Variants in CDH18 observed in about 807,000 individuals in gnomAD.
CDH18 encodes the protein cadherin 18.
CDH18 carries 31 observed loss-of-function variants against 67.9 expected under a neutral mutation model. The observed-to-expected ratio is 0.46, with a 90% CI of 0.34 to 0.62. The LOEUF is 0.62. Ranked by LOEUF, CDH18 falls within the 20% of genes least tolerant of loss-of-function variation. The probability of loss-of-function intolerance (pLI) is 0.01; values close to 1 mark genes in which losing one functional copy is unlikely to be tolerated. For synonymous variants in CDH18, 362 were observed against 347.2 expected, an observed-to-expected ratio of 1.04 and a Z score of -0.48; for missense variants, 890 against 975.5, an observed-to-expected ratio of 0.91 and a Z score of 1.17.
At chr5:20,230,422 T>C (rs937921123) in intron 2 of CDH18, among the ~76,000 whole-genome samples, 1 of 152,198 alleles carries the variant, frequency 6.6e-6, no homozygotes, top group African/African-American at 2.4e-5. Flanking sequence ...CATGATGTGA[T>C]ATCTTTAACT....
At chr5:19,593,263 C>T (rs1204819325) in intron 6 of CDH18, among the ~76,000 whole-genome samples, 1 of 152,140 alleles carries the variant, frequency 6.6e-6, no homozygotes, top group African/African-American at 2.4e-5. Flanking sequence ...AGACGCTACA[C>T]AAGTTCACAT....
chr5:19,896,202 C>T (rs1579475933), intron 2 of CDH18, among the ~76,000 whole-genome samples: 1 of 151,682 alleles, frequency 6.6e-6, no homozygotes, highest in Admixed American at 6.6e-5. Flanking sequence ...ACTAAAAGTA[C>T]AAAAAAATTA....
At chr5:20,542,260 A>G (rs1757091194) in intron 1 of CDH18, among the ~76,000 whole-genome samples, 2 of 146,108 alleles carry the variant, frequency 1.4e-5, no homozygotes, top group Admixed American at 7.2e-5. Context: ...TATTATTATT[A>G]TCATCAGCAG....
intron 2 of CDH18, among the ~76,000 whole-genome samples, chr5:20,021,460 T>G (rs1738413792): frequency 6.6e-6 from 1 of 152,108 alleles, no homozygotes; most frequent in South Asian, 2.1e-4. Context: ...ATCCCCAATG[T>G]TGAAGGAGGG....
At chr5:20,146,346 G>T (rs1750642655) in intron 2 of CDH18, among the ~76,000 whole-genome samples, 1 of 152,050 alleles carries the variant, frequency 6.6e-6, no homozygotes, top group Non-Finnish European at 1.5e-5. Flanking sequence ...AATCCTTTCT[G>T]TCCTGGTAGA....
At chr5:20,320,055 A>G (rs1737854878) in intron 1 of CDH18, among the ~76,000 whole-genome samples, 1 of 152,194 alleles carries the variant, frequency 6.6e-6, no homozygotes, top group Non-Finnish European at 1.5e-5. Flanking sequence ...CCACTCTGCT[A>G]CTGTGAATTG....
chr5:20,517,169 CTAATATGTATATATTT>C (rs1288197039), intron 1 of CDH18, among the ~76,000 whole-genome samples: 1 of 151,584 alleles, frequency 6.6e-6, no homozygotes, highest in African/African-American at 2.4e-5. Context: ...CATCTATATC[CTAATATGTATATATTT>C]TATTTACTAA....
intron 1 of CDH18, among the ~76,000 whole-genome samples, chr5:20,501,561 AT>A (rs1462848785): frequency 2.5e-4 from 8 of 31,858 alleles, no homozygotes; most frequent in Admixed American, 1.7e-3. Flanking sequence ...TATATAATAT[AT>A]ATATATAATA....
At chr5:20,165,465 T>A (rs958304414) in intron 2 of CDH18, among the ~76,000 whole-genome samples, 2 of 152,214 alleles carry the variant, frequency 1.3e-5, no homozygotes, top group Admixed American at 6.5e-5. Flanking sequence ...AGTGCTTGGA[T>A]GTTGTAAGAG....
At chr5:20,128,628 A>T (rs997949585) in intron 2 of CDH18, among the ~76,000 whole-genome samples, 3 of 152,098 alleles carry the variant, frequency 2.0e-5, no homozygotes, top group Admixed American at 2.0e-4. Context: ...GTTACCTTCC[A>T]GGAACAGTTG....
intron 2 of CDH18, among the ~76,000 whole-genome samples, chr5:20,207,513 A>C (rs1184209287): frequency 1.3e-5 from 2 of 152,092 alleles, no homozygotes; most frequent in Admixed American, 6.6e-5. Flanking sequence ...AGAAGCTCAC[A>C]ATCATGGTGG....
chr5:19,676,295 C>T (rs909007055), intron 5 of CDH18, among the ~76,000 whole-genome samples: 2 of 151,954 alleles, frequency 1.3e-5, no homozygotes, highest in African/African-American at 4.8e-5. Flanking sequence ...ATAAAAATTA[C>T]CCCAACTTCG....
At chr5:19,945,311 G>C (rs950435221) in intron 2 of CDH18, among the ~76,000 whole-genome samples, 2 of 152,182 alleles carry the variant, frequency 1.3e-5, no homozygotes, top group African/African-American at 2.4e-5. Flanking sequence ...GACAGGCAAA[G>C]AGTGCAAGGG....
At chr5:20,390,438 A>T (rs147479586) in intron 1 of CDH18, among the ~76,000 whole-genome samples, 2,209 of 152,310 alleles carry the variant, frequency 0.015, 58 homozygotes, top group African/African-American at 0.05. Flanking sequence ...ACACAATGAG[A>T]CACCATCTCA....
At chr5:19,891,933 C>G (rs373056456) in intron 2 of CDH18, among the ~76,000 whole-genome samples, 2 of 152,184 alleles carry the variant, frequency 1.3e-5, no homozygotes, top group Non-Finnish European at 2.9e-5. Context: ...AGAGTTGCCA[C>G]AGATGAGATG....
At chr5:19,645,961 G>C (rs1351672597) in intron 5 of CDH18, among the ~76,000 whole-genome samples, 1 of 152,062 alleles carries the variant, frequency 6.6e-6, no homozygotes, top group Non-Finnish European at 1.5e-5. Flanking sequence ...TTGTTGTTTT[G>C]CGAAGAATAC....
intron 8 of CDH18, among the ~76,000 whole-genome samples, chr5:19,559,662 C>T (rs1739086656): frequency 1.3e-5 from 2 of 151,966 alleles, no homozygotes; most frequent in African/African-American, 4.8e-5. Flanking sequence ...CTAGCCAGAG[C>T]AGTCAAACGA....
intron 2 of CDH18, among the ~76,000 whole-genome samples, chr5:20,043,727 C>G (rs1413653173): frequency 6.6e-6 from 1 of 152,112 alleles, no homozygotes; most frequent in Admixed American, 6.5e-5. Flanking sequence ...GATTCTGTGA[C>G]TTGGAAACTG....
intron 2 of CDH18, among the ~76,000 whole-genome samples, chr5:20,098,327 A>C (rs945602929): frequency 1.3e-5 from 2 of 152,110 alleles, no homozygotes; most frequent in Non-Finnish European, 2.9e-5. Flanking sequence ...AATTGTATAT[A>C]TTCTAAGGTA....
Sources: gnomAD v4.1 joint callset for allele counts (sites outside exome capture counted in the v4.1 genomes callset) on GRCh38, gnomAD v4.1.1 for gene constraint, MANE v1.5 for transcripts, NCBI Gene and HGNC (gene_info 2026-07-23, HGNC 2026-07-21) for gene names.